Variants in PCDHA6 observed in about 807,000 individuals in gnomAD.
PCDHA6 encodes protocadherin alpha 6, also known as protocadherin alpha-6.
A neutral mutation model predicts 60.3 loss-of-function variants in PCDHA6; 55 were observed. The observed-to-expected ratio is 0.91, with a 90% CI of 0.73 to 1.14. The LOEUF is 1.14. PCDHA6 is among the 50% of genes most tolerant of loss of function. PCDHA6 has a pLI of 0.00. For synonymous variants in PCDHA6, 652 were observed against 557.9 expected (o/e 1.17, Z -2.38); for missense variants, 1,327 against 1,256.5 (o/e 1.06, Z -0.85).
intron 1 of PCDHA6, chr5:140,834,892 A>G (rs2150228741): frequency 1.2e-6 from 2 of 1,604,044 alleles, no homozygotes; most frequent in African/African-American, 2.7e-5. Flanking sequence ...CTGCTCACTT[A>G]CAGACTGAGC....
intron 1 of PCDHA6, among the ~76,000 whole-genome samples, chr5:140,918,605 G>T (rs2078775246): frequency 6.6e-6 from 1 of 152,198 alleles, no homozygotes; most frequent in Non-Finnish European, 1.5e-5. Flanking sequence ...ATGTTGCTAT[G>T]ATATGAATGT....
chr5:140,838,122 GTGTGTGTGTT>G (rs1205252659), intron 1 of PCDHA6, among the ~76,000 whole-genome samples: 1 of 144,084 alleles, frequency 6.9e-6, no homozygotes, highest in Admixed American at 7.0e-5. Context: ...GTGTGTGTGT[GTGTGTGTGTT>G]TGACAGAGTT....
chr5:140,943,006 C>A (rs1314561126), intron 1 of PCDHA6, among the ~76,000 whole-genome samples: 2 of 151,932 alleles, frequency 1.3e-5, no homozygotes, highest in East Asian at 3.9e-4. Flanking sequence ...CCTGTAATCC[C>A]AGCACTTTGG....
In PCDHA6 at chr5:140,940,501, C is replaced by T. The variant is rs542798581; in HGVS notation, c.2395-38448C>T. Among the ~76,000 whole-genome samples, 272 of 152,010 alleles carry T rather than the reference C, an allele frequency of 1.8e-3. 2 individuals are homozygous for T. The highest frequency in any genetic ancestry group is 6.1e-3 in the African/African-American group (254 of 41,464). Reference sequence around the variant, plus strand: ...TTTTTCAAGACAAGTCTTGCTCCGTCGCTCAGGCGTGATCATAGCTCACTG... The same window carrying T: ...TTTTTCAAGACAAGTCTTGCTCCGTTGCTCAGGCGTGATCATAGCTCACTG... On this transcript the variant is annotated intron_variant, in intron 1 of 3. Coordinates refer to ENST00000529310, the MANE Select transcript of PCDHA6 (RefSeq NM_018909.4).
chr5:140,882,375 C>T (rs879994353), intron 1 of PCDHA6: 1 of 1,614,212 alleles, frequency 6.2e-7, no homozygotes, highest in Non-Finnish European at 8.5e-7. Context: ...TACTCCGTCC[C>T]CGAGGAAGCA....
At chr5:140,832,778 A>G (rs1554133657) in intron 1 of PCDHA6, among the ~76,000 whole-genome samples, 1 of 152,222 alleles carries the variant, frequency 6.6e-6, no homozygotes, top group Non-Finnish European at 1.5e-5. Flanking sequence ...AAGAGGTGCT[A>G]GAAAGGTACA....
intron 1 of PCDHA6, chr5:140,842,408 G>A (rs1266480987): frequency 1.2e-6 from 2 of 1,612,204 alleles, no homozygotes; most frequent in Non-Finnish European, 1.7e-6. Flanking sequence ...ACGTGAAGAC[G>A]CTCAATTTGG....
intron 3 of PCDHA6, among the ~76,000 whole-genome samples, chr5:141,008,133 A>G (rs782089475): frequency 6.6e-6 from 1 of 152,208 alleles, no homozygotes; most frequent in Non-Finnish European, 1.5e-5. Context: ...GGGGATGACA[A>G]ATGCTGCTGA....
chr5:140,932,750 GGAAA>G (rs1554209054), intron 1 of PCDHA6, among the ~76,000 whole-genome samples: 1 of 151,518 alleles, frequency 6.6e-6, no homozygotes, highest in Non-Finnish European at 1.5e-5. Flanking sequence ...TCAGTAAAAA[GGAAA>G]GAAAAAGAAC....
At chr5:140,968,017 C>T (rs782195997) in intron 1 of PCDHA6, 2 of 1,614,216 alleles carry the variant, frequency 1.2e-6, no homozygotes, top group East Asian at 2.2e-5. Context: ...GCTTTGGAAA[C>T]TCCTATACAC....
At chr5:140,885,016 T>C (rs1554181958) in intron 1 of PCDHA6, among the ~76,000 whole-genome samples, 1 of 152,244 alleles carries the variant, frequency 6.6e-6, no homozygotes. Flanking sequence ...CTAATCGTAA[T>C]CTTAAATTTA....
intron 1 of PCDHA6, chr5:140,842,155 A>G (rs1554138828): frequency 1.2e-6 from 2 of 1,613,884 alleles, no homozygotes; most frequent in East Asian, 2.2e-5. Context: ...GGGCAATTTC[A>G]TATTCTTTTA....
chr5:140,954,297 C>G (rs1369831854), intron 1 of PCDHA6, among the ~76,000 whole-genome samples: 1 of 152,298 alleles, frequency 6.6e-6, no homozygotes, highest in African/African-American at 2.4e-5. Context: ...TGGGTACATA[C>G]CCAGTAATGG....
intron 1 of PCDHA6, among the ~76,000 whole-genome samples, chr5:140,937,638 C>A (rs1563161991): frequency 6.7e-6 from 1 of 150,048 alleles, no homozygotes; most frequent in East Asian, 2.1e-4. Flanking sequence ...AAAGGCAGGG[C>A]ATGGTGGCTC....
intron 1 of PCDHA6, chr5:140,857,200 C>A: frequency 1.3e-6 from 2 of 1,598,618 alleles, no homozygotes; most frequent in East Asian, 2.2e-5. Flanking sequence ...ACGGACAGGT[C>A]ACCTGCTCTC....
At chr5:140,999,526 C>G (rs1429753507) in intron 3 of PCDHA6, among the ~76,000 whole-genome samples, 1 of 152,026 alleles carries the variant, frequency 6.6e-6, no homozygotes, top group Non-Finnish European at 1.5e-5. Context: ...TTTGTTACCC[C>G]CTGGATATGA....
intron 1 of PCDHA6, chr5:140,868,295 T>C (rs569295401): frequency 6.6e-6 from 1 of 152,272 alleles, no homozygotes; most frequent in African/African-American, 2.4e-5. Context: ...AGAATATGAA[T>C]ATATTTGTTT....
chr5:140,836,197 C>T, intron 1 of PCDHA6: 1 of 1,613,818 alleles, frequency 6.2e-7, no homozygotes, highest in Non-Finnish European at 8.5e-7. Flanking sequence ...GGCTACAACG[C>T]GTGGCTTTCG....
chr5:140,836,229 G>C, intron 1 of PCDHA6: 1 of 1,613,818 alleles, frequency 6.2e-7, no homozygotes, highest in Non-Finnish European at 8.5e-7. Flanking sequence ...ACCGGTGGCG[G>C]CCGGTGCGAG....
Sources: allele counts gnomAD v4.1 joint callset (sites outside exome capture counted in the v4.1 genomes callset), GRCh38; gene constraint gnomAD v4.1.1; transcripts MANE v1.5; gene names NCBI Gene and HGNC (gene_info 2026-07-23, HGNC 2026-07-21).